The following PLCE1 variants were observed in gnomAD, a reference collection of about 807,000 sequenced individuals.
PLCE1 encodes phospholipase C epsilon 1.
Under a neutral mutation model 242.8 loss-of-function variants are expected in PLCE1, and 119 were observed. That is an observed-to-expected ratio of 0.49 (90% CI 0.42 to 0.57). The LOEUF is 0.57. Among genes scored for constraint, PLCE1 ranks in the 20% least tolerant of loss-of-function variants. The pLI is 0.00. For synonymous variants in PLCE1, 945 were observed against 1,017.4 expected (o/e 0.93, Z 1.35); for missense variants, 2,441 against 2,788.8 (o/e 0.88, Z 2.81).
At chr10:94,037,223 T>C (rs749897113) in intron 2 of PLCE1, among the ~76,000 whole-genome samples, 20 of 152,336 alleles carry the variant, frequency 1.3e-4, no homozygotes, top group Middle Eastern at 3.4e-3. Context: ...TTGGTATACA[T>C]GTCCTTGATT....
intron 1 of PLCE1, among the ~76,000 whole-genome samples, chr10:94,025,388 C>T (rs2134422260): frequency 6.6e-6 from 1 of 152,220 alleles, no homozygotes; most frequent in South Asian, 2.1e-4. Flanking sequence ...GTCTCTGCCA[C>T]CCTACTGATA....
chr10:94,048,826 G>A (rs1395528409), intron 2 of PLCE1, among the ~76,000 whole-genome samples: 1 of 151,372 alleles, frequency 6.6e-6, no homozygotes, highest in African/African-American at 2.4e-5. Flanking sequence ...AGAGTGCAGT[G>A]GCAGGATCTT....
intron 27 of PLCE1, among the ~76,000 whole-genome samples, chr10:94,309,674 C>T (rs571392361): frequency 1.3e-5 from 2 of 152,308 alleles, no homozygotes; most frequent in South Asian, 4.1e-4. Flanking sequence ...CATGGAAACT[C>T]AGTGCCCACT....
At chr10:94,269,700 T>C (rs1201880458) in intron 17 of PLCE1, among the ~76,000 whole-genome samples, 1 of 152,242 alleles carries the variant, frequency 6.6e-6, no homozygotes, top group Admixed American at 6.5e-5. Context: ...TTTGTCCTAG[T>C]GTCATGCTGA....
At chr10:94,307,918 T>A (rs1229269461) in intron 26 of PLCE1, among the ~76,000 whole-genome samples, 1 of 152,210 alleles carries the variant, frequency 6.6e-6, no homozygotes, top group Admixed American at 6.5e-5. Flanking sequence ...AATTTTTTTT[T>A]AATTATCCAT....
chr10:94,078,944 GATGTGTGC>G, intron 2 of PLCE1, among the ~76,000 whole-genome samples: 1 of 152,150 alleles, frequency 6.6e-6, no homozygotes, highest in Non-Finnish European at 1.5e-5. Flanking sequence ...GGAAGTTGAG[GATGTGTGC>G]AAAGTAACAT....
intron 1 of PLCE1, among the ~76,000 whole-genome samples, chr10:94,012,372 T>G (rs2061186256): frequency 1.3e-5 from 2 of 151,080 alleles, no homozygotes; most frequent in African/African-American, 2.4e-5. Flanking sequence ...TGGCTGGGAG[T>G]AGAAACAGGT....
rs1290627133 is a variant in PLCE1, at chr10:94,256,338, A to AAAAGAAAGAAAGAAAG, written c.3554+1297_3554+1312dup. ...GAGCTTGTCTCAAAAAAAAAAAAAA[A>AAAAGAAAGAAAGAAAG]AAAGAAAGAAAGAAAGAAAGAAAAA... On this transcript the variant is annotated intron_variant, in intron 11 of 32. Coordinates refer to ENST00000371380, the MANE Select transcript of PLCE1 (RefSeq NM_016341.4). 1.4e-3 allele frequency among the ~76,000 whole-genome samples: 191 copies of AAAAGAAAGAAAGAAAG among 140,444 alleles called. 2 individuals carry two copies. The highest frequency in any genetic ancestry group is 4.9e-3 in the African/African-American group (176 of 36,262). The allele number at this position is 140,444 out of a possible 152,430, so 92.1% of individuals were successfully genotyped here.
intron 1 of PLCE1, among the ~76,000 whole-genome samples, chr10:94,014,019 G>A (rs113973373): frequency 4.0e-4 from 61 of 152,232 alleles, no homozygotes; most frequent in African/African-American, 1.3e-3. Context: ...GGGATGAGGT[G>A]TGATGCAGTT....
intron 3 of PLCE1, among the ~76,000 whole-genome samples, chr10:94,148,036 T>A (rs910582192): frequency 1.5e-4 from 23 of 152,160 alleles, no homozygotes; most frequent in African/African-American, 5.3e-4. Flanking sequence ...TAGACCTAAG[T>A]CCCAGATCAA....
At chr10:94,258,026 A>T (rs137869074) in intron 11 of PLCE1, among the ~76,000 whole-genome samples, 64 of 152,352 alleles carry the variant, frequency 4.2e-4, no homozygotes, top group African/African-American at 1.5e-3. Context: ...ATGTTGTGAA[A>T]CAGTAAGTCT....
At chr10:94,234,006 CTA>C (rs1564812910) in intron 5 of PLCE1, 46 bp from the exon 6 acceptor site, 4 of 1,526,378 alleles carry the variant, frequency 2.6e-6, no homozygotes, top group Non-Finnish European at 2.7e-6. Flanking sequence ...TTGCTGTAAA[CTA>C]TATTATTTCT....
intron 21 of PLCE1, among the ~76,000 whole-genome samples, chr10:94,284,631 C>G (rs574214829): frequency 6.6e-6 from 1 of 152,242 alleles, no homozygotes; most frequent in African/African-American, 2.4e-5. Flanking sequence ...GACAGTGGAC[C>G]ATGCACTGAG....
chr10:94,223,233 C>CAGAAA (rs2049820541), intron 4 of PLCE1, among the ~76,000 whole-genome samples: 1 of 90,884 alleles, frequency 1.1e-5, no homozygotes, highest in Non-Finnish European at 2.0e-5. Context: ...TCCATCTCTA[C>CAGAAA]AAAAAAAAAA....
intron 3 of PLCE1, among the ~76,000 whole-genome samples, chr10:94,162,484 T>C (rs2047649536): frequency 6.6e-6 from 1 of 152,266 alleles, no homozygotes; most frequent in Admixed American, 6.5e-5. Flanking sequence ...TTTGTATTTC[T>C]GTGGGATCGG....
chr10:94,322,138 C>A (rs2053832177), intron 30 of PLCE1, 79 bp downstream of exon 30: 1 of 1,337,074 alleles, frequency 7.5e-7, no homozygotes, highest in Non-Finnish European at 1.1e-6. Context: ...ACTGATGGCT[C>A]ATTTTATGAG....
At chr10:94,196,665 G>A (rs78621599) in intron 4 of PLCE1, among the ~76,000 whole-genome samples, 308 of 152,116 alleles carry the variant, frequency 2.0e-3, no homozygotes, top group African/African-American at 6.7e-3. Flanking sequence ...CTTTGAGAGA[G>A]AGGACCCCAC....
chr10:94,258,878 C>T lies in PLCE1; in HGVS notation c.3633C>T (p.Ser1211=). Residue 1211 remains serine, a synonymous_variant, in exon 12 of 33, where the codon AGC becomes AGT. Coordinates refer to ENST00000371380, the MANE Select transcript of PLCE1 (RefSeq NM_016341.4). ...TTCAGAGCTTCATGGTTTCAGATAGCAACATGAGTTTTGTTGAATTTGTTG... is the reference window on the plus strand; with the variant it reads ...TTCAGAGCTTCATGGTTTCAGATAGTAACATGAGTTTTGTTGAATTTGTTG... The part of the protein sequence containing the change: ...KGFQSFMVSD[S]NMSFVEFVEL... The T allele has an allele frequency of 6.2e-7, 1 of 1,614,066 alleles. No individual in the cohort carries two copies. Among genetic ancestry groups the T allele is most frequent in the East Asian group, 2.2e-5 (1 of 44,876 alleles).
At chr10:94,148,095 C>G (rs1564732799) in intron 3 of PLCE1, among the ~76,000 whole-genome samples, 1 of 152,160 alleles carries the variant, frequency 6.6e-6, no homozygotes, top group African/African-American at 2.4e-5. Flanking sequence ...CTCTTCTCTT[C>G]TAAGTTTCAT....
Sources: allele counts gnomAD v4.1 joint callset (sites outside exome capture counted in the v4.1 genomes callset), GRCh38; gene constraint gnomAD v4.1.1; transcripts MANE v1.5; gene names NCBI Gene and HGNC (gene_info 2026-07-23, HGNC 2026-07-21).